The following CCNB3 variants were observed in gnomAD, a reference collection of about 807,000 sequenced individuals.
CCNB3 encodes the protein G2/mitotic-specific cyclin-B3.
A neutral mutation model predicts 68.0 loss-of-function variants in CCNB3; 12 were observed. The ratio of observed to expected loss-of-function variants is 0.18; its 90% CI spans 0.11 to 0.29. The LOEUF (loss-of-function observed/expected upper bound fraction) is 0.29. Ranked by LOEUF, CCNB3 falls within the 10% of genes least tolerant of loss-of-function variation. The pLI, the probability that CCNB3 is intolerant of heterozygous loss-of-function variation, is 1.00. For missense variants in CCNB3, 904 were observed against 993.1 expected (o/e 0.91, Z 1.21); for synonymous variants, 354 against 388.9 (o/e 0.91, Z 1.06).
At chrX:50,225,392 G>T (rs1410244213) in intron 1 of CCNB3, among the ~76,000 whole-genome samples, 3 of 111,510 alleles carry the variant, frequency 2.7e-5, no homozygotes, top group African/African-American at 6.5e-5. Flanking sequence ...GGTTCATGAC[G>T]TAGGCAGGAC....
Position 50,308,628 on chromosome X carries a change from C to T in CCNB3, c.459C>T (p.Leu153=). The T allele has an allele frequency of 8.3e-7, 1 of 1,208,761 alleles. No homozygotes were observed. Among genetic ancestry groups the T allele is most frequent in the Non-Finnish European group, 1.1e-6 (1 of 893,078 alleles). The change falls in exon 6 of 13, where the codon CTC becomes CTT. Residue 153 remains leucine, a synonymous_variant. Coordinates refer to ENST00000376042, the MANE Select transcript of CCNB3 (RefSeq NM_033031.3). ...CACCCAACACTGAGGAGGCATCTCT[C>T]TTCAGAAAGCCATTAGTTTTAAAGG... ...SKTPNTEEAS[L]FRKPLVLKEE...
At chrX:50,228,605 T>C (rs1935975186) in intron 1 of CCNB3, among the ~76,000 whole-genome samples, 2 of 84,295 alleles carry the variant, frequency 2.4e-5, no homozygotes, top group Non-Finnish European at 4.4e-5. Context: ...ATAATATATA[T>C]AGAATATATA....
intron 1 of CCNB3, among the ~76,000 whole-genome samples, chrX:50,214,475 C>CATATATATATATATATATAT (rs1184201216): frequency 0.032 from 298 of 9,434 alleles, 71 homozygotes; most frequent in Middle Eastern, 0.2. Flanking sequence ...AGCTGTGGCC[C>CATATATATATATATATATAT]ATATATATAT....
In CCNB3 at chrX:50,309,463, T is replaced by C; in HGVS notation, c.1294T>C (p.Ser432Pro). 1 of 1,211,379 alleles carries C rather than the reference T, an allele frequency of 8.3e-7. No homozygotes were observed. The highest frequency in any genetic ancestry group is 1.1e-6 in the Non-Finnish European group (1 of 895,347). The change falls in exon 6 of 13, where the codon TCC (serine) becomes CCC (proline). Residue 432 changes from serine (S) to proline (P), a missense_variant. By Grantham distance (74) the Ser-to-Pro change is moderately conservative. Coordinates refer to ENST00000376042, the MANE Select transcript of CCNB3 (RefSeq NM_033031.3). ...EKPSTEKESF[S>P]QEPSALQKKH... is the part of the protein sequence containing the mutation. ...GCCATCTACTGAGAAGGAGTCCTTT[T>C]CCCAGGAACCATCTGCATTGCAAAA...
At chrX:50,312,908 G>C (rs782203303) in intron 7 of CCNB3, among the ~76,000 whole-genome samples, 1 of 110,915 alleles carries the variant, frequency 9.0e-6, no homozygotes, top group African/African-American at 3.3e-5. Flanking sequence ...GTACATGGTA[G>C]AGCTGAGATA....
intron 11 of CCNB3, among the ~76,000 whole-genome samples, chrX:50,350,248 TACACACACACACACAC>T (rs35500925): frequency 1.1e-5 from 1 of 95,225 alleles, no homozygotes; most frequent in Non-Finnish European, 2.1e-5. Flanking sequence ...CATACACAAA[TACACACACACACACAC>T]ACACACACAC....
intron 4 of CCNB3, among the ~76,000 whole-genome samples, chrX:50,293,670 T>C (rs1262983199): frequency 1.8e-5 from 2 of 111,618 alleles, no homozygotes; most frequent in Non-Finnish European, 3.8e-5. Flanking sequence ...GTAATACAGC[T>C]AAAAGAGTTT....
intron 5 of CCNB3, among the ~76,000 whole-genome samples, chrX:50,295,572 G>A (rs1032952859): frequency 1.8e-5 from 2 of 111,590 alleles, no homozygotes; most frequent in Non-Finnish European, 3.8e-5. Flanking sequence ...TTATTCTTCA[G>A]GGACTAACTA....
At chrX:50,290,037 G>A (rs959107286) in intron 4 of CCNB3, among the ~76,000 whole-genome samples, 11 of 111,774 alleles carry the variant, frequency 9.8e-5, no homozygotes, top group African/African-American at 6.5e-5. Context: ...ACACTTGTAA[G>A]GTTAGATTAA....
In CCNB3 at chrX:50,228,827, T is replaced by G. The variant is rs1417652117; in HGVS notation, c.-113+23877T>G. Among the ~76,000 whole-genome samples, 154 of 75,359 alleles carry G rather than the reference T, an allele frequency of 2.0e-3. 1 individual carries two copies. Among genetic ancestry groups the G allele is most frequent in the African/African-American group, 7.9e-3 (147 of 18,670 alleles). The allele number at this position is 75,359 out of a possible 115,157, so 65.4% of individuals were successfully genotyped here. A position where few individuals can be genotyped will look rare whatever the true frequency, so the allele number is the denominator to read the frequency against. On this transcript the variant is annotated intron_variant, in intron 1 of 12. Coordinates refer to ENST00000376042, the MANE Select transcript of CCNB3 (RefSeq NM_033031.3). ...ATATATAGAATATATATATAGAATA[T>G]ATATAGAATACATATATAGAATATA...
chrX:50,283,557 C>G (rs916696915), intron 1 of CCNB3, among the ~76,000 whole-genome samples: 1 of 111,512 alleles, frequency 9.0e-6, no homozygotes, highest in African/African-American at 3.3e-5. Context: ...AGGCTTTCTC[C>G]TTTCTTAAAC....
chrX:50,282,261 C>A (rs1936151433), intron 1 of CCNB3, among the ~76,000 whole-genome samples: 1 of 111,399 alleles, frequency 9.0e-6, no homozygotes, highest in Admixed American at 9.6e-5. Flanking sequence ...TGTCACCCAG[C>A]CAACTAAGAG....
chrX:50,350,545 A>G (rs1478548806), intron 11 of CCNB3, among the ~76,000 whole-genome samples: 3 of 111,737 alleles, frequency 2.7e-5, no homozygotes, highest in Non-Finnish European at 5.6e-5. Context: ...CCTTAAGTTC[A>G]TGTTGGCTGT....
At chrX:50,215,253 T>C (rs1935554454) in intron 1 of CCNB3, among the ~76,000 whole-genome samples, 1 of 111,020 alleles carries the variant, frequency 9.0e-6, no homozygotes, top group Non-Finnish European at 1.9e-5. Flanking sequence ...CCTCCCAAAG[T>C]GCTAGGATTA....
At chrX:50,306,711 G>C (rs1420665438) in intron 5 of CCNB3, among the ~76,000 whole-genome samples, 1 of 111,516 alleles carries the variant, frequency 9.0e-6, no homozygotes, top group East Asian at 2.8e-4. Context: ...TGATTTTCCT[G>C]GATCTTTTGA....
chrX:50,293,074 T>A (rs1470492639), intron 4 of CCNB3, among the ~76,000 whole-genome samples: 1 of 112,175 alleles, frequency 8.9e-6, no homozygotes, highest in Non-Finnish European at 1.9e-5. Flanking sequence ...TATACAAATA[T>A]ATGTGTATAA....
intron 8 of CCNB3, 89 bp from the exon 9 acceptor site, chrX:50,342,113 T>G: frequency 9.5e-7 from 1 of 1,051,048 alleles, no homozygotes; most frequent in Non-Finnish European, 1.3e-6. Flanking sequence ...GTTCTTGATG[T>G]TGCAGATACT....
intron 8 of CCNB3, among the ~76,000 whole-genome samples, chrX:50,330,493 G>C (rs1055752814): frequency 9.0e-6 from 1 of 111,443 alleles, no homozygotes; most frequent in Non-Finnish European, 1.9e-5. Flanking sequence ...TCATTAGTGG[G>C]AGTTCTCACT....
chrX:50,281,415 G>A (rs757603318), intron 1 of CCNB3, among the ~76,000 whole-genome samples: 2 of 110,869 alleles, frequency 1.8e-5, no homozygotes, highest in Non-Finnish European at 3.8e-5. Flanking sequence ...GATGGTCTTT[G>A]CTGTCTGTCC....
Sources: gnomAD v4.1 joint callset for allele counts (sites outside exome capture counted in the v4.1 genomes callset) on GRCh38, gnomAD v4.1.1 for gene constraint, MANE v1.5 for transcripts, NCBI Gene and HGNC (gene_info 2026-07-23, HGNC 2026-07-21) for gene names.